Variants in UBA2 observed in about 807,000 individuals in gnomAD.
UBA2 encodes the protein SUMO-activating enzyme subunit 2.
In UBA2, 11 loss-of-function variants were observed where a neutral mutation model predicts 77.2. The observed-to-expected ratio is 0.14, with a 90% CI of 0.09 to 0.24. The LOEUF is 0.24. UBA2 is among the 10% of genes least tolerant of loss of function. UBA2 has a pLI of 1.00. For synonymous variants in UBA2, 278 were observed against 276.7 expected (o/e 1.00, Z -0.05); for missense variants, 487 against 781.7 (o/e 0.62, Z 4.50).
Position 34,454,490 on chromosome 19 carries a change from A to G in UBA2, c.1179A>G (p.Val393=), listed in dbSNP as rs376261393. 14 of 1,611,118 alleles carry G rather than the reference A, an allele frequency of 8.7e-6. No individual in the cohort carries two copies. Among genetic ancestry groups the G allele is most frequent in the Non-Finnish European group, 1.2e-5 (14 of 1,178,926 alleles). ...CTGCTATTGCTACTACTAATGCAGT[A>G]ATTGCTGGGTTGATAGTATTGGAAG... ...IIPAIATTNA[V]IAGLIVLEGL... The change falls in exon 12 of 17, where the codon GTA becomes GTG. Residue 393 remains valine (V), a synonymous_variant. Coordinates refer to ENST00000246548, the MANE Select transcript of UBA2 (RefSeq NM_005499.3).
In UBA2 at chr19:34,460,571, CAT is replaced by C. The variant is rs1224709748; in HGVS notation, c.1498+7_1498+8del. 1 of 1,583,276 alleles carries C rather than the reference CAT, an allele frequency of 6.3e-7. No homozygotes were observed. The highest frequency in any genetic ancestry group is 8.6e-7 in the Non-Finnish European group (1 of 1,162,554). On this transcript the variant is annotated splice_donor_region_variant and intron_variant, in intron 14 of 16. Coordinates refer to ENST00000246548, the MANE Select transcript of UBA2 (RefSeq NM_005499.3). ...CCGAAGAGGGAGAGACGGAAGGTAT[CAT>C]ACATTGTATTTATTCATTCCTCTCA...
At position 34,438,675 on chromosome 19, in the gene UBA2, A is replaced by G. The variant is rs771665690; in HGVS notation, c.490A>G (p.Lys164Glu). The G allele has an allele frequency of 1.2e-6, 2 of 1,614,068 alleles. No homozygotes were observed. Among genetic ancestry groups the G allele is most frequent in the South Asian group, 1.1e-5 (1 of 91,088 alleles). Residue 164 changes from lysine to glutamate, a missense_variant, in exon 6 of 17, where the codon AAG becomes GAG. This residue lies in a region of UBA2 where 66 missense variants were observed against 112.0 expected (regional missense o/e 0.59). Coordinates refer to ENST00000246548, the MANE Select transcript of UBA2 (RefSeq NM_005499.3). ...GVTECYECHP[K>E]PTQRTFPGCT... The stretch of plus-strand genomic sequence containing the variant: ...GACCGAGTGTTATGAGTGTCATCCT[A>G]AGCCGACCCAGAGAACCTTTCCTGG...
At chr19:34,429,023 G>T in intron 1 of UBA2, 2 of 985,208 alleles carry the variant, frequency 2.0e-6, no homozygotes, top group Non-Finnish European at 2.4e-6. Context: ...CGTCCCGAGC[G>T]CTGGTCACGA....
At chr19:34,461,335 G>T (rs902119750) in intron 14 of UBA2, among the ~76,000 whole-genome samples, 1 of 152,134 alleles carries the variant, frequency 6.6e-6, no homozygotes, top group East Asian at 1.9e-4. Flanking sequence ...CAGATGTTAA[G>T]CCTTCTTTAA....
chr19:34,449,694 TTGTG>T lies in UBA2; in HGVS notation c.772-568_772-565del, dbSNP rs1409552899. Among the ~76,000 whole-genome samples, 7 of 152,092 alleles carry T rather than the reference TTGTG, an allele frequency of 4.6e-5. No homozygotes were observed. In the South Asian group the frequency reaches 8.3e-4, roughly 18 times the overall value. The stretch of plus-strand genomic sequence containing the variant: ...TGTAATGTTTTTGTTTTTGTAATAA[TTGTG>T]TGGGGGTTTTTACATTTTATTTTTG... On this transcript the variant is annotated intron_variant, in intron 8 of 16. Coordinates refer to ENST00000246548, the MANE Select transcript of UBA2 (RefSeq NM_005499.3).
intron 15 of UBA2, among the ~76,000 whole-genome samples, chr19:34,465,334 A>G (rs947384223): frequency 1.3e-5 from 2 of 152,162 alleles, no homozygotes; most frequent in Non-Finnish European, 2.9e-5. Flanking sequence ...TTGTTTATAA[A>G]AAGCATAAAA....
chr19:34,456,099 TCTTTTTC>T (rs2075557012), intron 12 of UBA2, among the ~76,000 whole-genome samples: 1 of 82,978 alleles, frequency 1.2e-5, no homozygotes, highest in Non-Finnish European at 2.3e-5. Flanking sequence ...TTTTTCCTTT[TCTTTTTC>T]TTTTTTTTTT....
intron 6 of UBA2, among the ~76,000 whole-genome samples, chr19:34,443,639 A>C (rs1025418515): frequency 6.6e-6 from 1 of 151,880 alleles, no homozygotes; most frequent in African/African-American, 2.4e-5. Context: ...ACGAGGTTTC[A>C]CCATGTTGGT....
At chr19:34,430,532 A>G (rs1321433484) in intron 1 of UBA2, 44 bp from the exon 2 acceptor site, 1 of 1,472,388 alleles carries the variant, frequency 6.8e-7, no homozygotes, top group Non-Finnish European at 9.5e-7. Context: ...CAGCTCAAAC[A>G]TACGTAAACG....
intron 10 of UBA2, among the ~76,000 whole-genome samples, chr19:34,453,186 T>C (rs1021459546): frequency 2.0e-5 from 3 of 152,154 alleles, no homozygotes; most frequent in Non-Finnish European, 2.9e-5. Flanking sequence ...TTAAGAGATT[T>C]TGACTCAAGG....
intron 16 of UBA2, among the ~76,000 whole-genome samples, chr19:34,467,937 G>A (rs1320671113): frequency 2.6e-5 from 4 of 152,162 alleles, no homozygotes; most frequent in African/African-American, 9.7e-5. Context: ...TTGTTTTAAG[G>A]AGCAATAAAT....
In UBA2 at chr19:34,458,792, C is replaced by G. The variant is rs767871747; in HGVS notation, c.1269C>G (p.Asn423Lys). ...AGATTTTTTTGAATAAACAACCAAA[C>G]CCAAGAAAGAAGCTTCTTGTGCCTT... ...CRTIFLNKQPNPRKKLLVPCA... is the reference protein window; with the variant it reads ...CRTIFLNKQPKPRKKLLVPCA... The change falls in exon 13 of 17, where the codon AAC (asparagine) becomes AAG (lysine). Residue 423 changes from asparagine to lysine, a missense_variant. Coordinates refer to ENST00000246548, the MANE Select transcript of UBA2 (RefSeq NM_005499.3). 1 of 1,610,800 alleles carries G rather than the reference C, an allele frequency of 6.2e-7. No homozygotes were observed.
At chr19:34,456,095 C>CTTTTATTTTTTTTTTTTTTTTT (rs1393766434) in intron 12 of UBA2, among the ~76,000 whole-genome samples, 1 of 69,624 alleles carries the variant, frequency 1.4e-5, no homozygotes, top group Non-Finnish European at 2.6e-5. Flanking sequence ...TCTTTTTTTC[C>CTTTTATTTTTTTTTTTTTTTTT]TTTTCTTTTT....
chr19:34,452,191 G>A, intron 10 of UBA2, 44 bp downstream of exon 10: 1 of 1,465,242 alleles, frequency 6.8e-7, no homozygotes, highest in Non-Finnish European at 9.2e-7. Context: ...TGTCAAAAGT[G>A]TGTTTTAGTT....
At chr19:34,468,795 T>A (rs1377730022) in intron 16 of UBA2, among the ~76,000 whole-genome samples, 1 of 152,252 alleles carries the variant, frequency 6.6e-6, no homozygotes, top group Non-Finnish European at 1.5e-5. Flanking sequence ...ATCAAGGATG[T>A]GTAATGAGTA....
intron 5 of UBA2, 136 bp downstream of exon 5, chr19:34,435,104 C>A: frequency 1.5e-6 from 1 of 649,902 alleles, no homozygotes; most frequent in Non-Finnish European, 2.6e-6. Context: ...TTATATAAAA[C>A]TTAAAATGCG....
Position 34,452,046 on chromosome 19 carries a change from C to G in UBA2, c.937C>G (p.Leu313Val), listed in dbSNP as rs2075506250. The G allele has an allele frequency of 6.2e-7, 1 of 1,610,162 alleles. No individual in the cohort carries two copies. Among genetic ancestry groups the G allele is most frequent in the Non-Finnish European group, 8.5e-7 (1 of 1,177,518 alleles). The change falls in exon 10 of 17, where the codon CTA becomes GTA. Residue 313 changes from leucine to valine, a missense_variant. Leu to Val is a conservative substitution (Grantham distance 32). Coordinates refer to ENST00000246548, the MANE Select transcript of UBA2 (RefSeq NM_005499.3). ...PQLGLKDQQVLDVKSYARLFS... is the reference protein window; with the variant it reads ...PQLGLKDQQVVDVKSYARLFS... ...GTTAGGCCTGAAAGACCAGCAGGTT[C>G]TAGATGTAAAGAGCTATGCACGTCT...
chr19:34,434,297 G>A (rs1309142314), intron 4 of UBA2, among the ~76,000 whole-genome samples: 1 of 151,984 alleles, frequency 6.6e-6, no homozygotes, highest in Non-Finnish European at 1.5e-5. Flanking sequence ...GTTTATTTTT[G>A]TAGGGATGAA....
intron 5 of UBA2, among the ~76,000 whole-genome samples, chr19:34,436,991 A>G (rs1429262620): frequency 2.0e-5 from 3 of 152,170 alleles, no homozygotes; most frequent in East Asian, 3.9e-4. Context: ...ACTGCTTGCC[A>G]TGTGGCTACC....
Sources: gnomAD v4.1 joint callset for allele counts (sites outside exome capture counted in the v4.1 genomes callset) on GRCh38, gnomAD v4.1.1 for gene constraint, gnomAD v4.1.1 regional missense constraint, MANE v1.5 for transcripts, NCBI Gene and HGNC (gene_info 2026-07-23, HGNC 2026-07-21) for gene names.